Variants in EPB41L5 observed in about 807,000 individuals in gnomAD.
EPB41L5 encodes the protein erythrocyte membrane protein band 4.1 like 5.
A neutral mutation model predicts 106.6 loss-of-function variants in EPB41L5; 55 were observed. That is an observed-to-expected ratio of 0.52 (90% CI 0.42 to 0.65). EPB41L5 has a LOEUF of 0.65. Among genes scored for constraint, EPB41L5 ranks in the 30% least tolerant of loss-of-function variants. The pLI, the probability that EPB41L5 is intolerant of heterozygous loss-of-function variation, is 0.00. For synonymous variants in EPB41L5, 297 were observed against 306.7 expected (o/e 0.97, Z 0.33); for missense variants, 871 against 882.1 (o/e 0.99, Z 0.16).
At chr2:120,046,502 T>G (rs1487757138) in intron 3 of EPB41L5, among the ~76,000 whole-genome samples, 3 of 149,068 alleles carry the variant, frequency 2.0e-5, no homozygotes, top group South Asian at 2.1e-4. Flanking sequence ...TTTGATGGGG[T>G]TGTTTTTTTT....
intron 12 of EPB41L5, among the ~76,000 whole-genome samples, chr2:120,091,337 A>T (rs937827530): frequency 2.0e-5 from 3 of 152,234 alleles, no homozygotes; most frequent in Non-Finnish European, 4.4e-5. Flanking sequence ...ATATGCATGC[A>T]TATGAGAAAA....
intron 2 of EPB41L5, among the ~76,000 whole-genome samples, chr2:120,031,805 CACTGATAT>C (rs1263002592): frequency 6.6e-6 from 1 of 151,994 alleles, no homozygotes; most frequent in African/African-American, 2.4e-5. Context: ...TGGAAGGCAA[CACTGATAT>C]ACTGATTCTT....
At chr2:120,048,951 T>C (rs1680021246) in intron 3 of EPB41L5, among the ~76,000 whole-genome samples, 1 of 152,210 alleles carries the variant, frequency 6.6e-6, no homozygotes, top group Admixed American at 6.5e-5. Context: ...AGCAGGTTGT[T>C]CAGTTTCTAT....
At chr2:120,055,090 C>T (rs1196612563) in intron 3 of EPB41L5, among the ~76,000 whole-genome samples, 2 of 152,036 alleles carry the variant, frequency 1.3e-5, no homozygotes, top group Non-Finnish European at 2.9e-5. Context: ...GTCCCAAACT[C>T]GACCTCAGGC....
At chr2:120,033,881 C>G (rs935964895) in intron 2 of EPB41L5, among the ~76,000 whole-genome samples, 1 of 151,796 alleles carries the variant, frequency 6.6e-6, no homozygotes, top group South Asian at 2.1e-4. Context: ...ATTGCTTGAG[C>G]CCAGGAGTTT....
intron 18 of EPB41L5, among the ~76,000 whole-genome samples, chr2:120,135,450 C>T (rs141305126): frequency 3.0e-4 from 46 of 152,194 alleles, no homozygotes; most frequent in African/African-American, 7.7e-4. Context: ...GGATATAGAA[C>T]GCCAAGCAGA....
At chr2:120,061,647 C>T (rs1216699129) in intron 3 of EPB41L5, among the ~76,000 whole-genome samples, 2 of 152,100 alleles carry the variant, frequency 1.3e-5, no homozygotes, top group African/African-American at 2.4e-5. Context: ...CCACCACACC[C>T]GGCCTATTCA....
chr2:120,128,433 G>A (rs1224477294), intron 17 of EPB41L5, among the ~76,000 whole-genome samples: 3 of 152,140 alleles, frequency 2.0e-5, no homozygotes, highest in Non-Finnish European at 4.4e-5. Flanking sequence ...TCATTTTAAA[G>A]CAGCTTGTAT....
chr2:120,024,777 A>T (rs939773023), intron 2 of EPB41L5, among the ~76,000 whole-genome samples: 4 of 151,872 alleles, frequency 2.6e-5, no homozygotes, highest in Admixed American at 2.6e-4. Flanking sequence ...GGTTTTTGTC[A>T]TTGGTTCTGT....
chr2:120,075,660 A>T, intron 6 of EPB41L5, 41 bp from the exon 7 acceptor site: 1 of 1,555,144 alleles, frequency 6.4e-7, no homozygotes, highest in Non-Finnish European at 8.9e-7. Context: ...AATGAAGGTT[A>T]TGAAATCAAC....
rs772579901 is a variant in EPB41L5 at position 120,042,124 on chromosome 2, T to C, written c.285+14T>C. 1.1e-4 allele frequency: 169 copies of C among 1,595,890 alleles called. 1 individual carries two copies. Among genetic ancestry groups the C allele is most frequent in the Non-Finnish European group, 1.4e-4 (159 of 1,164,102 alleles). On this transcript the variant is annotated intron_variant, in intron 3 of 24. Coordinates refer to ENST00000263713, the MANE Select transcript of EPB41L5 (RefSeq NM_020909.4). ...GCACAAGTAGCAGTGAGTAACTGTTTTTTGGAAGTTTTAGCATAAGGAGAA... is the reference window on the plus strand; with the variant it reads ...GCACAAGTAGCAGTGAGTAACTGTTCTTTGGAAGTTTTAGCATAAGGAGAA...
chr2:120,141,625 C>G (rs1686179293), intron 18 of EPB41L5, among the ~76,000 whole-genome samples: 1 of 152,024 alleles, frequency 6.6e-6, no homozygotes, highest in Admixed American at 6.6e-5. Flanking sequence ...TTCTGGATAG[C>G]ACTCTAAAAA....
At chr2:120,165,961 C>G (rs1687381214) in intron 22 of EPB41L5, among the ~76,000 whole-genome samples, 1 of 126,060 alleles carries the variant, frequency 7.9e-6, no homozygotes, top group Non-Finnish European at 1.6e-5. Flanking sequence ...CAGTGAGACT[C>G]CGTCTCAAAA....
chr2:120,157,894 C>T (rs1239925859), intron 20 of EPB41L5, among the ~76,000 whole-genome samples: 1 of 151,608 alleles, frequency 6.6e-6, no homozygotes, highest in Non-Finnish European at 1.5e-5. Flanking sequence ...TAAATAAACA[C>T]AATCAGAAAC....
At chr2:120,039,782 G>A (rs547070593) in intron 2 of EPB41L5, among the ~76,000 whole-genome samples, 3 of 149,488 alleles carry the variant, frequency 2.0e-5, no homozygotes, top group Non-Finnish European at 4.4e-5. Flanking sequence ...CTGAGATTGT[G>A]CCATTGCACT....
intron 3 of EPB41L5, among the ~76,000 whole-genome samples, chr2:120,061,035 T>TTTTG (rs1681014161): frequency 9.7e-6 from 1 of 102,976 alleles, no homozygotes; most frequent in Non-Finnish European, 2.1e-5. Flanking sequence ...AGGGAAGTTT[T>TTTTG]TTTTTTTTTT....
At chr2:120,058,697 G>C (rs1037979817) in intron 3 of EPB41L5, among the ~76,000 whole-genome samples, 2 of 152,102 alleles carry the variant, frequency 1.3e-5, no homozygotes, top group East Asian at 1.9e-4. Flanking sequence ...CAGCATTGCT[G>C]GATCTTCAGG....
chr2:120,126,011 A>G (rs1174179910), intron 16 of EPB41L5, among the ~76,000 whole-genome samples: 11 of 152,162 alleles, frequency 7.2e-5, no homozygotes, highest in Non-Finnish European at 1.3e-4. Flanking sequence ...GTCTTCACAT[A>G]GCATTCTCCC....
intron 12 of EPB41L5, among the ~76,000 whole-genome samples, chr2:120,091,266 AAG>A (rs1558866851): frequency 1.3e-5 from 2 of 152,156 alleles, no homozygotes; most frequent in East Asian, 4.0e-4. Context: ...GTAGATGGGA[AAG>A]AGAGGGAGTT....
Sources: gnomAD v4.1 joint callset for allele counts (sites outside exome capture counted in the v4.1 genomes callset) on GRCh38, gnomAD v4.1.1 for gene constraint, MANE v1.5 for transcripts, NCBI Gene and HGNC (gene_info 2026-07-23, HGNC 2026-07-21) for gene names.